The following PIEZO2 variants were observed in gnomAD, a reference collection of about 807,000 sequenced individuals.
PIEZO2 encodes piezo-type mechanosensitive ion channel component 2.
In PIEZO2, 172 loss-of-function variants were observed where a neutral mutation model predicts 337.3. The observed-to-expected ratio is 0.51, with a 90% CI of 0.45 to 0.58. The LOEUF (loss-of-function observed/expected upper bound fraction) is 0.58. PIEZO2 is among the 20% of genes least tolerant of loss of function. The pLI is 0.00. For missense variants in PIEZO2, 3,028 were observed against 3,391.3 expected, an observed-to-expected ratio of 0.89 and a Z score of 2.66; for synonymous variants, 1,251 against 1,228.5, an observed-to-expected ratio of 1.02 and a Z score of -0.38.
chr18:10,737,142 G>A (rs756712290), intron 33 of PIEZO2, among the ~76,000 whole-genome samples: 2 of 152,090 alleles, frequency 1.3e-5, no homozygotes, highest in African/African-American at 2.4e-5. Context: ...TTGTCTGAAT[G>A]GGCCCAAACC....
intron 2 of PIEZO2, among the ~76,000 whole-genome samples, chr18:11,030,065 T>G (rs192025534): frequency 1.1e-4 from 17 of 152,354 alleles, no homozygotes; most frequent in African/African-American, 3.8e-4. Context: ...TATACATCTT[T>G]TAATTTTAAT....
intron 1 of PIEZO2, among the ~76,000 whole-genome samples, chr18:11,124,327 A>G (rs1032080820): frequency 6.6e-6 from 1 of 152,240 alleles, no homozygotes; most frequent in African/African-American, 2.4e-5. Context: ...CCCAAAAGGA[A>G]TGAAGACAAT....
At chr18:11,113,331 C>T (rs1488519223) in intron 1 of PIEZO2, among the ~76,000 whole-genome samples, 2 of 152,198 alleles carry the variant, frequency 1.3e-5, no homozygotes, top group Non-Finnish European at 2.9e-5. Context: ...ATTAGCCAAA[C>T]TGTTTGTTTC....
At chr18:10,693,014 A>C (rs1255263004) in intron 47 of PIEZO2, among the ~76,000 whole-genome samples, 3 of 152,156 alleles carry the variant, frequency 2.0e-5, no homozygotes, top group Non-Finnish European at 4.4e-5. Flanking sequence ...CATGAATTTA[A>C]GTCTTCTTGA....
intron 3 of PIEZO2, among the ~76,000 whole-genome samples, chr18:10,923,784 G>T (rs2031562426): frequency 6.6e-6 from 1 of 151,030 alleles, no homozygotes; most frequent in South Asian, 2.1e-4. Context: ...AATTTCAGCA[G>T]GGCAGATGGC....
Position 10,795,346 on chromosome 18 carries a change from A to G in PIEZO2, c.1528-344T>C, listed in dbSNP as rs918544131. Among the ~76,000 whole-genome samples, 3 of 21,504 alleles carry G rather than the reference A, an allele frequency of 1.4e-4. No individual in the cohort carries two copies. The highest frequency in any genetic ancestry group is 4.5e-4 in the African/African-American group (3 of 6,716). The allele number at this position is 21,504 out of a possible 152,430, so 14.1% of individuals were successfully genotyped here. On this transcript the variant is annotated intron_variant, in intron 12 of 55. Coordinates refer to ENST00000674853, the MANE Select transcript of PIEZO2 (RefSeq NM_001378183.1). This position sits in a 1 kb window ranked among gnomAD's most constrained non-coding sequence, Gnocchi z 4.4. ...ATTTTATTTTATTTTATTTTATTTT[A>G]TTTTATTATTTTATTTTATTTTATT...
chr18:10,759,417 G>A lies in PIEZO2; in HGVS notation c.3757+65C>T, dbSNP rs1282627790. 9.5e-6 allele frequency: 13 copies of A among 1,363,926 alleles called. No homozygotes were observed. The highest frequency in any genetic ancestry group is 5.0e-5 in the East Asian group (2 of 40,012). 84.5% of individuals were successfully genotyped at this position (1,363,926 alleles called of 1,614,324 possible). ...GACAAAAGGCACTAATGCATAGCAC[G>A]TGAACAATGATTAACAGTAAACCCG... On this transcript the variant is annotated intron_variant, in intron 26 of 55. Transcript: ENST00000674853. This position sits in a 1 kb window ranked among gnomAD's most constrained non-coding sequence, Gnocchi z 5.5.
intron 31 of PIEZO2, among the ~76,000 whole-genome samples, 186 bp from the exon 32 acceptor site, chr18:10,742,801 T>TGCGC (rs148838040): frequency 6.8e-5 from 10 of 146,416 alleles, no homozygotes; most frequent in African/African-American, 2.5e-4. Flanking sequence ...TACATATTTG[T>TGCGC]GTGTGTGTGT....
At chr18:11,030,627 C>T (rs2036697727) in intron 2 of PIEZO2, among the ~76,000 whole-genome samples, 1 of 152,118 alleles carries the variant, frequency 6.6e-6, no homozygotes, top group South Asian at 2.1e-4. Context: ...GCTCGTGCTC[C>T]AGCGAAGAGT....
At chr18:11,075,867 C>T (rs1000479091) in intron 1 of PIEZO2, among the ~76,000 whole-genome samples, 1 of 150,084 alleles carries the variant, frequency 6.7e-6, no homozygotes, top group African/African-American at 2.5e-5. Flanking sequence ...CCGCTCACTG[C>T]AAGCTCTGCC....
At chr18:10,741,859 A>T (rs1311460686) in intron 32 of PIEZO2, among the ~76,000 whole-genome samples, 1 of 152,184 alleles carries the variant, frequency 6.6e-6, no homozygotes, top group Admixed American at 6.5e-5. Flanking sequence ...CCCTTAAAGA[A>T]ACAAATTAAG....
At chr18:11,122,429 A>C (rs2040055502) in intron 1 of PIEZO2, among the ~76,000 whole-genome samples, 1 of 152,234 alleles carries the variant, frequency 6.6e-6, no homozygotes, top group Non-Finnish European at 1.5e-5. Flanking sequence ...ATTTTATTTC[A>C]CAAATTTTAC....
At position 11,096,618 on chromosome 18, in the gene PIEZO2, G is replaced by T. The variant is rs1011665272; in HGVS notation, c.65-30396C>A. Among the ~76,000 whole-genome samples, 13 of 152,054 alleles carry T rather than the reference G, an allele frequency of 8.5e-5. No individual in the cohort carries two copies. Among genetic ancestry groups the T allele is most frequent in the Non-Finnish European group, 1.6e-4 (11 of 68,012 alleles). ...GACCTTTAAATTTCTCAGATTTATG[G>T]CTTATTTCCTGCCCTTCACCCTCAT... is the stretch of plus-strand genomic sequence containing the variant. On this transcript the variant is annotated intron_variant, in intron 1 of 55. Coordinates refer to ENST00000674853, the MANE Select transcript of PIEZO2 (RefSeq NM_001378183.1). The surrounding 1 kb of genome is among the most constrained non-coding windows in gnomAD (Gnocchi z 4.6).
chr18:10,913,454 G>A (rs575093636), intron 3 of PIEZO2, among the ~76,000 whole-genome samples: 59 of 152,104 alleles, frequency 3.9e-4, no homozygotes, highest in Admixed American at 1.1e-3. Context: ...CTCTTGCTTC[G>A]TGGAAGAAAC....
intron 3 of PIEZO2, among the ~76,000 whole-genome samples, chr18:10,965,325 CTTA>C (rs1313027820): frequency 6.6e-6 from 1 of 152,144 alleles, no homozygotes; most frequent in Non-Finnish European, 1.5e-5. Flanking sequence ...TCATTTGTTT[CTTA>C]TTATAGCCAT....
intron 49 of PIEZO2, among the ~76,000 whole-genome samples, chr18:10,685,788 GC>G (rs1417561594): frequency 2.0e-5 from 3 of 152,178 alleles, no homozygotes; most frequent in Non-Finnish European, 2.9e-5. Flanking sequence ...GAGCCTTCTG[GC>G]AGCTCTTGTA....
Position 10,847,480 on chromosome 18 carries a change from G to T in PIEZO2, c.917+7873C>A, listed in dbSNP as rs142669539. ...TTAGGTCACTGGGCTGGATAAACAC[G>T]CAGTGCAAAGGCCCGTGGGCTCGGC... On this transcript the variant is annotated intron_variant, in intron 7 of 55. Transcript: ENST00000674853. The surrounding 1 kb of genome is among the most constrained non-coding windows in gnomAD (Gnocchi z 5.7). Among the ~76,000 whole-genome samples, 1 of 152,192 alleles carries T rather than the reference G, an allele frequency of 6.6e-6. No homozygotes were observed. Among genetic ancestry groups the T allele is most frequent in the African/African-American group, 2.4e-5 (1 of 41,452 alleles).
At chr18:10,810,412 A>C (rs1348890287) in intron 7 of PIEZO2, among the ~76,000 whole-genome samples, 1 of 152,116 alleles carries the variant, frequency 6.6e-6, no homozygotes, top group East Asian at 1.9e-4. Flanking sequence ...TTATTATGCC[A>C]AGGGCAGTCT....
intron 38 of PIEZO2, 22 bp downstream of exon 38, chr18:10,715,628 A>G (rs2035980845): frequency 6.7e-7 from 1 of 1,493,666 alleles, no homozygotes; most frequent in Non-Finnish European, 8.9e-7. Flanking sequence ...AGGAGCAAAA[A>G]GAATTACACC....
Sources: allele counts gnomAD v4.1 joint callset (sites outside exome capture counted in the v4.1 genomes callset), GRCh38; gene constraint gnomAD v4.1.1; non-coding constraint Gnocchi (gnomAD v3.1); transcripts MANE v1.5; gene names NCBI Gene and HGNC (gene_info 2026-07-23, HGNC 2026-07-21).